Variants in DLGAP1 observed in about 807,000 individuals in gnomAD.
The protein encoded by DLGAP1 is DLG associated protein 1.
A neutral mutation model predicts 90.8 loss-of-function variants in DLGAP1; 11 were observed. The ratio of observed to expected loss-of-function variants is 0.12; its 90% CI spans 0.08 to 0.20. The LOEUF is 0.20. Among genes scored for constraint, DLGAP1 ranks in the 10% least tolerant of loss-of-function variants. The probability of loss-of-function intolerance (pLI) is 1.00; values close to 1 mark genes in which losing one functional copy is unlikely to be tolerated. For missense variants in DLGAP1, 1,050 were observed against 1,333.8 expected, an observed-to-expected ratio of 0.79 and a Z score of 3.31; for synonymous variants, 558 against 540.7, an observed-to-expected ratio of 1.03 and a Z score of -0.44.
intron 1 of DLGAP1, among the ~76,000 whole-genome samples, chr18:4,262,787 T>C (rs1377530169): frequency 1.3e-5 from 2 of 152,120 alleles, no homozygotes; most frequent in Admixed American, 6.5e-5. Context: ...ATGCCTCTGT[T>C]TCCATATCTG....
Position 3,551,642 on chromosome 18 carries a change from T to C in DLGAP1, c.2057+15848A>G, listed in dbSNP as rs1486783864. Reference sequence around the variant, plus strand: ...CTTTTTCTTTCTTTCTTTCCTTCCTTTCTCTCTCTCTTTGTCTCTTTCCTT... The same window carrying C: ...CTTTTTCTTTCTTTCTTTCCTTCCTCTCTCTCTCTCTTTGTCTCTTTCCTT... On this transcript the variant is annotated intron_variant, in intron 9 of 12. Transcript: ENST00000315677. Among the ~76,000 whole-genome samples, 28 of 27,416 alleles carry C rather than the reference T, an allele frequency of 1.0e-3. 6 individuals are homozygous for C. In the East Asian group the frequency reaches 0.077, roughly 75 times the overall value. The allele number at this position is 27,416 out of a possible 152,430, so 18.0% of individuals were successfully genotyped here. A position where few individuals can be genotyped will look rare whatever the true frequency, so the allele number is the denominator to read the frequency against.
At chr18:4,207,022 C>T (rs914805310) in intron 1 of DLGAP1, among the ~76,000 whole-genome samples, 3 of 152,072 alleles carry the variant, frequency 2.0e-5, no homozygotes, top group African/African-American at 4.8e-5. Flanking sequence ...AAGCTGGAGG[C>T]GATGGGATCC....
At chr18:3,695,386 G>A (rs1377569418) in intron 7 of DLGAP1, among the ~76,000 whole-genome samples, 1 of 152,180 alleles carries the variant, frequency 6.6e-6, no homozygotes, top group Admixed American at 6.5e-5. Context: ...TGTATAAGGT[G>A]TAAGGAAGGG....
intron 1 of DLGAP1, among the ~76,000 whole-genome samples, chr18:4,250,082 G>T (rs558238938): frequency 6.6e-6 from 1 of 152,292 alleles, no homozygotes; most frequent in South Asian, 2.1e-4. Context: ...GCACTTCGGA[G>T]TTCAGCAGAT....
intron 1 of DLGAP1, among the ~76,000 whole-genome samples, chr18:4,437,556 G>T (rs2083430950): frequency 6.7e-6 from 1 of 149,644 alleles, no homozygotes; most frequent in Admixed American, 6.7e-5. Flanking sequence ...AGGGAATGAT[G>T]ACAAGAAAAA....
At chr18:4,043,648 A>G (rs753670092) in intron 2 of DLGAP1, among the ~76,000 whole-genome samples, 6 of 152,206 alleles carry the variant, frequency 3.9e-5, no homozygotes, top group Admixed American at 6.5e-5. Flanking sequence ...GTTTGATTTA[A>G]TAAGTCAGGA....
At chr18:3,701,507 G>C (rs2061278585) in intron 7 of DLGAP1, among the ~76,000 whole-genome samples, 1 of 152,190 alleles carries the variant, frequency 6.6e-6, no homozygotes, top group African/African-American at 2.4e-5. Context: ...AGAAGGATTC[G>C]ACCCATGCTT....
intron 2 of DLGAP1, among the ~76,000 whole-genome samples, chr18:4,087,023 T>C (rs79405368): frequency 8.3e-5 from 5 of 60,034 alleles, no homozygotes; most frequent in African/African-American, 3.4e-4. Context: ...GTCTACCTTG[T>C]CTGAGATATA....
At chr18:3,655,887 T>C in intron 7 of DLGAP1, 3 of 554,680 alleles carry the variant, frequency 5.4e-6, no homozygotes, top group Non-Finnish European at 9.4e-6. Flanking sequence ...CTCAGGTCAG[T>C]GCAAATGCCA....
intron 7 of DLGAP1, among the ~76,000 whole-genome samples, chr18:3,588,980 G>A (rs1032998131): frequency 3.9e-5 from 6 of 152,012 alleles, no homozygotes; most frequent in African/African-American, 4.8e-5. Flanking sequence ...TCGCGAGTTC[G>A]AAACCAGCCT....
At chr18:3,689,488 G>A (rs140820993) in intron 7 of DLGAP1, among the ~76,000 whole-genome samples, 123 of 152,194 alleles carry the variant, frequency 8.1e-4, no homozygotes, top group African/African-American at 2.8e-3. Flanking sequence ...CGGTATCATT[G>A]TATCCTTTTT....
chr18:4,091,795 T>C (rs1414947400), intron 2 of DLGAP1, among the ~76,000 whole-genome samples: 1 of 152,226 alleles, frequency 6.6e-6, no homozygotes, highest in Non-Finnish European at 1.5e-5. Flanking sequence ...ATGGATCCTT[T>C]AACATATTAA....
intron 1 of DLGAP1, among the ~76,000 whole-genome samples, chr18:4,337,809 GTTTT>G (rs1393256725): frequency 6.6e-6 from 1 of 152,014 alleles, no homozygotes; most frequent in Admixed American, 6.5e-5. Context: ...AGCCATTTTA[GTTTT>G]TTTATTTCAT....
At chr18:4,438,036 T>C (rs1230589975) in intron 1 of DLGAP1, among the ~76,000 whole-genome samples, 1 of 152,188 alleles carries the variant, frequency 6.6e-6, no homozygotes, top group Non-Finnish European at 1.5e-5. Context: ...ATTTATTCTT[T>C]ATACTAGGGC....
intron 5 of DLGAP1, among the ~76,000 whole-genome samples, chr18:3,806,988 C>T (rs1568167258): frequency 6.6e-6 from 1 of 152,208 alleles, no homozygotes; most frequent in Non-Finnish European, 1.5e-5. Context: ...AACCCAGGCT[C>T]CTAAGAGTCC....
rs528097539 is a variant in DLGAP1, at chr18:3,693,177, G to A, written c.1591+35958C>T. On this transcript the variant is annotated intron_variant, in intron 7 of 12. Transcript: ENST00000315677. ...TAGCTACTGCAGCCTCGAACTCCTGGGCTCCAGCGATCCTCCTGCCTCAGC... is the reference window on the plus strand; with the variant it reads ...TAGCTACTGCAGCCTCGAACTCCTGAGCTCCAGCGATCCTCCTGCCTCAGC... Among the ~76,000 whole-genome samples the A allele has an allele frequency of 6.6e-4, 100 of 152,254 alleles. 2 individuals carry two copies. The South Asian group carries it at 0.021, about 32-fold the overall frequency.
At chr18:4,081,318 G>GGA (rs1555736098) in intron 2 of DLGAP1, among the ~76,000 whole-genome samples, 1 of 140,342 alleles carries the variant, frequency 7.1e-6, no homozygotes, top group African/African-American at 2.6e-5. Context: ...TCCGTCTCAG[G>GGA]AAAAAAAAAA....
chr18:4,107,150 C>T (rs1447185110), intron 2 of DLGAP1, among the ~76,000 whole-genome samples: 1 of 152,188 alleles, frequency 6.6e-6, no homozygotes, highest in East Asian at 1.9e-4. Flanking sequence ...TTACAATTGC[C>T]TCTTTGCTGA....
At chr18:3,678,295 C>T (rs1342901145) in intron 7 of DLGAP1, among the ~76,000 whole-genome samples, 2 of 152,004 alleles carry the variant, frequency 1.3e-5, no homozygotes, top group Non-Finnish European at 2.9e-5. Flanking sequence ...CTTGGCCTTT[C>T]CCACCTCCAG....
Sources: gnomAD v4.1 joint callset for allele counts (sites outside exome capture counted in the v4.1 genomes callset) on GRCh38, gnomAD v4.1.1 for gene constraint, MANE v1.5 for transcripts, NCBI Gene and HGNC (gene_info 2026-07-23, HGNC 2026-07-21) for gene names.